Variants in FGGY observed in about 807,000 individuals in gnomAD.
FGGY encodes the protein FGGY carbohydrate kinase domain-containing protein.
In FGGY, 72 loss-of-function variants were observed where a neutral mutation model predicts 71.3. That is an observed-to-expected ratio of 1.01 (90% CI 0.84 to 1.23). The LOEUF is 1.23. Among genes scored for constraint, FGGY ranks in the 50% most tolerant of loss-of-function variants. The pLI, the probability that FGGY is intolerant of heterozygous loss-of-function variation, is 0.00. For missense variants in FGGY, 668 were observed against 682.3 expected (o/e 0.98, Z 0.23); for synonymous variants, 251 against 250.3 (o/e 1.00, Z -0.02).
intron 5 of FGGY, among the ~76,000 whole-genome samples, chr1:59,422,296 T>A (rs2065577161): frequency 6.6e-6 from 1 of 152,240 alleles, no homozygotes; most frequent in Non-Finnish European, 1.5e-5. Flanking sequence ...TTTAATAGAT[T>A]CAGTTGCTCA....
intron 14 of FGGY, among the ~76,000 whole-genome samples, chr1:59,718,895 C>T (rs1354265829): frequency 6.6e-6 from 1 of 152,202 alleles, no homozygotes; most frequent in Non-Finnish European, 1.5e-5. Flanking sequence ...CTCCCAGTGC[C>T]CTTAGCTTTA....
At chr1:59,479,682 T>TA (rs2093399876) in intron 6 of FGGY, among the ~76,000 whole-genome samples, 1 of 152,008 alleles carries the variant, frequency 6.6e-6, no homozygotes, top group Non-Finnish European at 1.5e-5. Flanking sequence ...TCAGAATCTG[T>TA]AAAAAATGGA....
chr1:59,540,622 C>T (rs2095425468), intron 7 of FGGY, among the ~76,000 whole-genome samples: 1 of 152,162 alleles, frequency 6.6e-6, no homozygotes, highest in Admixed American at 6.5e-5. Flanking sequence ...TTGTAAGACT[C>T]CACTAAATTC....
At chr1:59,628,956 A>G (rs1046894317) in intron 10 of FGGY, among the ~76,000 whole-genome samples, 1 of 152,180 alleles carries the variant, frequency 6.6e-6, no homozygotes, top group Non-Finnish European at 1.5e-5. Flanking sequence ...AATTAGAATA[A>G]TGGGTGATAC....
intron 8 of FGGY, among the ~76,000 whole-genome samples, chr1:59,607,188 A>G (rs114242696): frequency 1.1e-3 from 169 of 152,326 alleles, no homozygotes; most frequent in African/African-American, 4.0e-3. Context: ...ATATTTGCTG[A>G]TGTTACCTGG....
At position 59,304,284 on chromosome 1, in the gene FGGY, C is replaced by T. The variant is rs141562379; in HGVS notation, c.-15+7134C>T. Among the ~76,000 whole-genome samples, 7 of 152,130 alleles carry T rather than the reference C, an allele frequency of 4.6e-5. No homozygotes were observed. In the East Asian group the frequency reaches 1.2e-3, roughly 25 times the overall value. ...GTATAAGGGTTCAATTTCATTCTTT[C>T]GCATGTGACTATCCAGTTTTTCCAA... On this transcript the variant is annotated intron_variant, in intron 1 of 15. Coordinates refer to ENST00000303721, the MANE Select transcript of FGGY (RefSeq NM_018291.5).
intron 9 of FGGY, among the ~76,000 whole-genome samples, chr1:59,616,038 G>A (rs1031076891): frequency 3.3e-5 from 5 of 152,108 alleles, no homozygotes; most frequent in African/African-American, 7.2e-5. Context: ...ACTGTTGGTG[G>A]GACTGTAAAC....
chr1:59,418,771 T>A (rs76917526), intron 5 of FGGY, among the ~76,000 whole-genome samples: 1 of 152,112 alleles, frequency 6.6e-6, no homozygotes, highest in Non-Finnish European at 1.5e-5. Context: ...CTCTTTAACA[T>A]AGTGAGTTTG....
intron 5 of FGGY, among the ~76,000 whole-genome samples, chr1:59,423,679 T>G (rs1031638654): frequency 5.9e-5 from 9 of 152,186 alleles, no homozygotes; most frequent in African/African-American, 2.2e-4. Context: ...CTGAATACCC[T>G]TCCTGGTCTG....
chr1:59,530,144 G>C (rs937649343), intron 7 of FGGY, among the ~76,000 whole-genome samples: 2 of 151,998 alleles, frequency 1.3e-5, no homozygotes, highest in African/African-American at 4.8e-5. Flanking sequence ...TTAAAGTAGA[G>C]CCGTAAATCC....
At chr1:59,747,621 G>C (rs1423866752) in intron 14 of FGGY, among the ~76,000 whole-genome samples, 1 of 152,170 alleles carries the variant, frequency 6.6e-6, no homozygotes. Context: ...TCATTCTACT[G>C]ATAAAGAAAG....
rs150300137 is a variant in FGGY at position 59,579,321 on chromosome 1, C to T, written c.903+25094C>T. ...CATTTCCCCTTGCTTCTTCAGTGAC[C>T]TCATTAAGACTCAAAGCTTTAAGAC... On this transcript the variant is annotated intron_variant, in intron 8 of 15. Coordinates refer to ENST00000303721, the MANE Select transcript of FGGY (RefSeq NM_018291.5). 7.6e-4 allele frequency among the ~76,000 whole-genome samples: 116 copies of T among 152,220 alleles called. No individual in the cohort carries two copies. The East Asian group carries it at 0.017, about 23-fold the overall frequency.
At chr1:59,482,625 TG>T (rs2093524709) in intron 6 of FGGY, among the ~76,000 whole-genome samples, 1 of 103,226 alleles carries the variant, frequency 9.7e-6, no homozygotes, top group Non-Finnish European at 1.9e-5. Context: ...TGTGTGTGTG[TG>T]TCTGTGTGTA....
chr1:59,753,376 G>T (rs112995817), intron 14 of FGGY, among the ~76,000 whole-genome samples: 1 of 149,588 alleles, frequency 6.7e-6, no homozygotes, highest in Non-Finnish European at 1.5e-5. Flanking sequence ...TATTCTCCAC[G>T]TTGTGTCAGG....
chr1:59,546,950 C>CTT lies in FGGY; in HGVS notation c.800-7155_800-7154dup, dbSNP rs761977942. 2.9e-3 allele frequency among the ~76,000 whole-genome samples: 333 copies of CTT among 115,176 alleles called. 6 individuals are homozygous for CTT. The highest frequency in any genetic ancestry group is 3.6e-3 in the Non-Finnish European group (202 of 56,542). The allele number at this position is 115,176 out of a possible 152,430, so 75.6% of individuals were successfully genotyped here. ...TGAAACATTGGGATTACCTTTTTGA[C>CTT]TTTTTTTTTTTTTTTTTTTTGAGAT... is the stretch of plus-strand genomic sequence containing the variant. On this transcript the variant is annotated intron_variant, in intron 7 of 15. Transcript: ENST00000303721.
intron 10 of FGGY, among the ~76,000 whole-genome samples, chr1:59,627,487 T>TACACACACAC (rs1278159442): frequency 2.7e-5 from 3 of 109,600 alleles, no homozygotes; most frequent in African/African-American, 1.4e-4. Context: ...TATATATATA[T>TACACACACAC]ATACACACAC....
rs2061239691 is a variant in FGGY at position 59,395,654 on chromosome 1, A to G, written c.554+16817A>G. Among the ~76,000 whole-genome samples, 4 of 152,192 alleles carry G rather than the reference A, an allele frequency of 2.6e-5. No individual in the cohort carries two copies. The South Asian group carries it at 8.3e-4, about 32-fold the overall frequency. On this transcript the variant is annotated intron_variant, in intron 5 of 15. Transcript: ENST00000303721. Reference sequence around the variant, plus strand: ...TAACAGAGCACTTAACATGCTGGCCACTATTGTGAGTATTTTAGATACATT... The same window carrying G: ...TAACAGAGCACTTAACATGCTGGCCGCTATTGTGAGTATTTTAGATACATT...
At chr1:59,518,727 C>G (rs1421690719) in intron 7 of FGGY, among the ~76,000 whole-genome samples, 1 of 152,194 alleles carries the variant, frequency 6.6e-6, no homozygotes, top group African/African-American at 2.4e-5. Flanking sequence ...TCCCCATCAC[C>G]TTTTGCCATG....
At chr1:59,617,836 C>G (rs944641142) in intron 9 of FGGY, among the ~76,000 whole-genome samples, 2 of 152,058 alleles carry the variant, frequency 1.3e-5, no homozygotes, top group African/African-American at 4.8e-5. Context: ...GATTGAGTCA[C>G]AAGGTCACAA....
Sources: allele counts gnomAD v4.1 joint callset (sites outside exome capture counted in the v4.1 genomes callset), GRCh38; gene constraint gnomAD v4.1.1; transcripts MANE v1.5; gene names NCBI Gene and HGNC (gene_info 2026-07-23, HGNC 2026-07-21).